The following RAB3C variants were observed in gnomAD, a reference collection of about 807,000 sequenced individuals.
The protein encoded by RAB3C is ras-related protein Rab-3C.
RAB3C carries 17 observed loss-of-function variants against 26.4 expected under a neutral mutation model. The ratio of observed to expected loss-of-function variants is 0.64; its 90% CI spans 0.44 to 0.97. The LOEUF is 0.97. Ranked by LOEUF, RAB3C falls within the 50% of genes least tolerant of loss-of-function variation. The pLI is 0.00. For missense variants in RAB3C, 242 were observed against 281.9 expected, an observed-to-expected ratio of 0.86 and a Z score of 1.01; for synonymous variants, 91 against 95.9, an observed-to-expected ratio of 0.95 and a Z score of 0.30.
At chr5:58,631,434 T>C (rs939364539) in intron 2 of RAB3C, among the ~76,000 whole-genome samples, 1 of 152,208 alleles carries the variant, frequency 6.6e-6, no homozygotes, top group African/African-American at 2.4e-5. Flanking sequence ...TTACATGAAG[T>C]TATGCATGAC....
intron 2 of RAB3C, among the ~76,000 whole-genome samples, chr5:58,643,361 A>C (rs73759531): frequency 0.033 from 5,014 of 152,334 alleles, 147 homozygotes; most frequent in African/African-American, 0.082. Context: ...GATAAATGAC[A>C]TAAGTATCAG....
intron 3 of RAB3C, among the ~76,000 whole-genome samples, chr5:58,807,363 G>T (rs1742965965): frequency 6.6e-6 from 1 of 152,200 alleles, no homozygotes; most frequent in Non-Finnish European, 1.5e-5. Flanking sequence ...TCAGCTAAAT[G>T]GATATATGTT....
Position 58,705,030 on chromosome 5 carries a change from C to G in RAB3C, c.253-20972C>G, listed in dbSNP as rs369099419. ...AATGTTATATTCAGAGACAATTTCA[C>G]TGAAGCAAACAGGATAATAATTTAT... On this transcript the variant is annotated intron_variant, in intron 2 of 4. Coordinates refer to ENST00000282878, the MANE Select transcript of RAB3C (RefSeq NM_138453.4). 1.1e-4 allele frequency among the ~76,000 whole-genome samples: 16 copies of G among 152,212 alleles called. 1 individual carries two copies. The South Asian group carries it at 2.1e-3, about 20-fold the overall frequency.
intron 2 of RAB3C, among the ~76,000 whole-genome samples, chr5:58,678,821 T>C (rs1748285705): frequency 6.6e-6 from 1 of 152,236 alleles, no homozygotes; most frequent in Non-Finnish European, 1.5e-5. Context: ...TGCTAAGCTC[T>C]TTTATTATTG....
intron 2 of RAB3C, among the ~76,000 whole-genome samples, chr5:58,721,349 T>A (rs555473532): frequency 2.6e-5 from 4 of 151,724 alleles, no homozygotes; most frequent in African/African-American, 9.6e-5. Context: ...CTCTGATATT[T>A]CCAGTTGTTT....
chr5:58,644,205 AATTATTT>A (rs71941685), intron 2 of RAB3C, among the ~76,000 whole-genome samples: 16,380 of 152,164 alleles, frequency 0.11, 967 homozygotes, highest in Middle Eastern at 0.21. Context: ...ACATTCTATT[AATTATTT>A]TGTGAGAAAT....
intron 2 of RAB3C, among the ~76,000 whole-genome samples, chr5:58,622,665 A>C (rs1043030416): frequency 6.6e-6 from 1 of 152,206 alleles, no homozygotes; most frequent in Non-Finnish European, 1.5e-5. Context: ...TAATAGCAAC[A>C]TTTATCAAGC....
chr5:58,757,753 C>T (rs952925843), intron 3 of RAB3C, among the ~76,000 whole-genome samples: 1 of 152,188 alleles, frequency 6.6e-6, no homozygotes, highest in South Asian at 2.1e-4. Context: ...TCTAGTTTCT[C>T]ATCAAGATTT....
At position 58,772,279 on chromosome 5, in the gene RAB3C, T is replaced by C. The variant is rs551423786; in HGVS notation, c.371+46159T>C. ...CAAGGGACTGACAGGACCAATGTAG[T>C]GCTTCAAGACTATGAACCTGATGAT... On this transcript the variant is annotated intron_variant, in intron 3 of 4. Coordinates refer to ENST00000282878, the MANE Select transcript of RAB3C (RefSeq NM_138453.4). Among the ~76,000 whole-genome samples the C allele has an allele frequency of 1.6e-4, 25 of 152,286 alleles. No individual in the cohort carries two copies. In the South Asian group the frequency reaches 5.0e-3, roughly 30 times the overall value.
At chr5:58,650,838 T>A (rs1747630113) in intron 2 of RAB3C, among the ~76,000 whole-genome samples, 1 of 152,186 alleles carries the variant, frequency 6.6e-6, no homozygotes, top group African/African-American at 2.4e-5. Context: ...AACATTCTTG[T>A]ACATTCCGGT....
chr5:58,803,445 C>A (rs13362116), intron 3 of RAB3C, among the ~76,000 whole-genome samples: 13,959 of 152,208 alleles, frequency 0.092, 788 homozygotes, highest in African/African-American at 0.15. Flanking sequence ...AGGTATTCAA[C>A]AAACTTACAA....
intron 3 of RAB3C, among the ~76,000 whole-genome samples, chr5:58,792,138 C>A (rs1742536935): frequency 6.6e-6 from 1 of 152,212 alleles, no homozygotes; most frequent in Non-Finnish European, 1.5e-5. Context: ...TGTTTCTTTG[C>A]ATGGCAAGCC....
At chr5:58,810,892 C>A (rs559472715) in intron 3 of RAB3C, among the ~76,000 whole-genome samples, 1 of 152,326 alleles carries the variant, frequency 6.6e-6, no homozygotes, top group African/African-American at 2.4e-5. Flanking sequence ...CCACCGTGCC[C>A]AGCCCCTTAT....
intron 3 of RAB3C, among the ~76,000 whole-genome samples, chr5:58,765,397 T>A (rs1455985279): frequency 2.0e-5 from 3 of 152,190 alleles, no homozygotes; most frequent in African/African-American, 7.2e-5. Context: ...TTATCTTTCT[T>A]TTCTCTATTT....
chr5:58,605,994 G>A (rs188458204), intron 1 of RAB3C, among the ~76,000 whole-genome samples: 24 of 152,278 alleles, frequency 1.6e-4, no homozygotes, highest in Non-Finnish European at 1.9e-4. Context: ...CACTGAAGAC[G>A]GGTGATTTCT....
At chr5:58,803,083 A>G (rs1016539645) in intron 3 of RAB3C, among the ~76,000 whole-genome samples, 1 of 152,222 alleles carries the variant, frequency 6.6e-6, no homozygotes, top group African/African-American at 2.4e-5. Context: ...TCATATAGCC[A>G]TATTGAGCTA....
intron 3 of RAB3C, among the ~76,000 whole-genome samples, chr5:58,819,210 A>G (rs1743284483): frequency 6.6e-6 from 1 of 152,222 alleles, no homozygotes; most frequent in Non-Finnish European, 1.5e-5. Flanking sequence ...GCCCCAGAGC[A>G]TGTAAAATAA....
intron 3 of RAB3C, among the ~76,000 whole-genome samples, chr5:58,796,271 G>T (rs1413839439): frequency 6.6e-6 from 1 of 152,126 alleles, no homozygotes; most frequent in Non-Finnish European, 1.5e-5. Flanking sequence ...TGTTACACAG[G>T]TTACAGAAAC....
At chr5:58,671,337 G>A (rs903409833) in intron 2 of RAB3C, among the ~76,000 whole-genome samples, 2 of 152,072 alleles carry the variant, frequency 1.3e-5, no homozygotes, top group Admixed American at 1.3e-4. Flanking sequence ...TGTGCTCAAG[G>A]TCATACAGTT....
Sources: allele counts gnomAD v4.1 joint callset (sites outside exome capture counted in the v4.1 genomes callset), GRCh38; gene constraint gnomAD v4.1.1; transcripts MANE v1.5; gene names NCBI Gene and HGNC (gene_info 2026-07-23, HGNC 2026-07-21).